BCAS3: variants seen among roughly 807,000 people sequenced by gnomAD.
BCAS3 encodes the protein BCAS3 microtubule associated cell migration factor, also known as BCAS4/BCAS3 fusion.
BCAS3 carries 53 observed loss-of-function variants against 116.1 expected under a neutral mutation model. The observed-to-expected ratio is 0.46, with a 90% CI of 0.37 to 0.57. BCAS3 has a LOEUF of 0.57. BCAS3 is among the 20% of genes least tolerant of loss of function. BCAS3 has a pLI of 0.00. For missense variants in BCAS3, 917 were observed against 1,165.4 expected, an observed-to-expected ratio of 0.79 and a Z score of 3.10; for synonymous variants, 391 against 408.2, an observed-to-expected ratio of 0.96 and a Z score of 0.51.
rs951788352 is a variant in BCAS3 at position 61,156,086 on chromosome 17, A to C, written c.2425+71522A>C. On this transcript the variant is annotated intron_variant, in intron 22 of 23. Coordinates refer to ENST00000407086, the MANE Select transcript of BCAS3 (RefSeq NM_017679.5). This position sits in a 1 kb window ranked among gnomAD's most constrained non-coding sequence, Gnocchi z 4.7. ...TTCAAAGGAAGAAAAGCATTTGCTGAGATTCACCTATCAGCAAATAATTTA... is the reference window on the plus strand; with the variant it reads ...TTCAAAGGAAGAAAAGCATTTGCTGCGATTCACCTATCAGCAAATAATTTA... Among the ~76,000 whole-genome samples, 7 of 152,132 alleles carry C rather than the reference A, an allele frequency of 4.6e-5. No individual in the cohort carries two copies. Among genetic ancestry groups the C allele is most frequent in the Admixed American group, 4.6e-4 (7 of 15,254 alleles).
chr17:61,087,322 T>A lies in BCAS3; in HGVS notation c.2425+2758T>A. 1 of 556,046 alleles carries A rather than the reference T, an allele frequency of 1.8e-6. No individual in the cohort carries two copies. The highest frequency in any genetic ancestry group is 2.3e-6 in the Non-Finnish European group (1 of 437,814). 34.4% of individuals were successfully genotyped at this position (556,046 alleles called of 1,614,324 possible). A position where few individuals can be genotyped will look rare whatever the true frequency, so the allele number is the denominator to read the frequency against. ...TATATGACTTCATGGATTATCTTCT[T>A]AATTATTCCTATGGCACATGTTACA... On this transcript the variant is annotated intron_variant, in intron 22 of 23. Coordinates refer to ENST00000407086, the MANE Select transcript of BCAS3 (RefSeq NM_017679.5). This position sits in a 1 kb window ranked among gnomAD's most constrained non-coding sequence, Gnocchi z 4.6.
chr17:61,344,223 GC>G lies in BCAS3; in HGVS notation c.2426-24102del, dbSNP rs1343507753. Among the ~76,000 whole-genome samples the G allele has an allele frequency of 6.6e-6, 1 of 151,824 alleles. No homozygotes were observed. The highest frequency in any genetic ancestry group is 2.4e-5 in the African/African-American group (1 of 41,310). ...TGCTTAGGAGAACCTGAGTTCACCT[GC>G]CAAAATCATCCTTTGACATTAAAAA... On this transcript the variant is annotated intron_variant, in intron 22 of 23. Transcript: ENST00000407086. The surrounding 1 kb of genome is among the most constrained non-coding windows in gnomAD (Gnocchi z 4.1).
chr17:61,016,693 T>C lies in BCAS3; in HGVS notation c.1637+792T>C, dbSNP rs545679773. On this transcript the variant is annotated intron_variant, in intron 16 of 23. Coordinates refer to ENST00000407086, the MANE Select transcript of BCAS3 (RefSeq NM_017679.5). Reference sequence around the variant, plus strand: ...TCCTGAAGTTTAATCTAATTTGAAATGAAACAACTTTTTTACATTTCTGTA... The same window carrying C: ...TCCTGAAGTTTAATCTAATTTGAAACGAAACAACTTTTTTACATTTCTGTA... Among the ~76,000 whole-genome samples the C allele has an allele frequency of 2.0e-5, 3 of 152,332 alleles. No homozygotes were observed. In the South Asian group the frequency reaches 6.2e-4, roughly 32 times the overall value.
chr17:60,953,415 G>GTT (rs199687529), intron 14 of BCAS3, among the ~76,000 whole-genome samples: 4 of 150,080 alleles, frequency 2.7e-5, no homozygotes, highest in African/African-American at 9.8e-5. Context: ...GGGGTTTTTT[G>GTT]TTTTTTTTTC....
At chr17:61,049,984 C>T (rs1031051933) in intron 19 of BCAS3, among the ~76,000 whole-genome samples, 18 of 152,072 alleles carry the variant, frequency 1.2e-4, no homozygotes, top group East Asian at 1.2e-3. Flanking sequence ...TCGTCTACCT[C>T]GGCCTCCCAA....
intron 6 of BCAS3, among the ~76,000 whole-genome samples, chr17:60,777,927 G>C (rs1185426272): frequency 6.6e-6 from 1 of 152,018 alleles, no homozygotes; most frequent in Non-Finnish European, 1.5e-5. Flanking sequence ...TTATCTCATA[G>C]TTTTCTTTAG....
intron 22 of BCAS3, among the ~76,000 whole-genome samples, chr17:61,250,505 G>A (rs9906297): frequency 1 from 151,832 of 152,348 alleles, 75,660 homozygotes; most frequent in Middle Eastern, 1. Context: ...GTATCAAGCC[G>A]TAATATCCAG....
chr17:60,974,383 G>A (rs1263494132), intron 14 of BCAS3, among the ~76,000 whole-genome samples: 1 of 152,116 alleles, frequency 6.6e-6, no homozygotes, highest in East Asian at 1.9e-4. Context: ...TTGATAAAAT[G>A]TTGAACATAG....
intron 22 of BCAS3, among the ~76,000 whole-genome samples, chr17:61,231,123 G>A (rs1015589090): frequency 2.0e-5 from 3 of 151,818 alleles, no homozygotes; most frequent in Admixed American, 6.6e-5. Flanking sequence ...AATAATAGCC[G>A]TTCTGACTGG....
rs1299342609 is a variant in BCAS3, at chr17:61,205,106, C to G, written c.2425+120542C>G. Reference sequence around the variant, plus strand: ...CTGCAATCAAAAGCTAACTTTTGGTCCACACTAAGTAAGAAGTATTATTTT... The same window carrying G: ...CTGCAATCAAAAGCTAACTTTTGGTGCACACTAAGTAAGAAGTATTATTTT... On this transcript the variant is annotated intron_variant, in intron 22 of 23. Coordinates refer to ENST00000407086, the MANE Select transcript of BCAS3 (RefSeq NM_017679.5). The surrounding 1 kb of genome is among the most constrained non-coding windows in gnomAD (Gnocchi z 5.2). Among the ~76,000 whole-genome samples, 3 of 151,916 alleles carry G rather than the reference C, an allele frequency of 2.0e-5. No individual in the cohort carries two copies. Among genetic ancestry groups the G allele is most frequent in the South Asian group, 4.1e-4 (2 of 4,820 alleles).
chr17:61,296,162 A>G (rs1326734400), intron 22 of BCAS3, among the ~76,000 whole-genome samples: 2 of 152,366 alleles, frequency 1.3e-5, no homozygotes, highest in Middle Eastern at 3.4e-3. Flanking sequence ...TATCATTACC[A>G]TAAGAGACAG....
At chr17:61,290,792 T>C (rs2144701516) in intron 22 of BCAS3, among the ~76,000 whole-genome samples, 1 of 152,302 alleles carries the variant, frequency 6.6e-6, no homozygotes, top group East Asian at 1.9e-4. Context: ...GTTTGCATTT[T>C]TTTTTTGAGT....
In BCAS3 at chr17:61,200,197, G is replaced by T. The variant is rs796604499; in HGVS notation, c.2425+115633G>T. 1.3e-5 allele frequency among the ~76,000 whole-genome samples: 2 copies of T among 152,188 alleles called. No individual in the cohort carries two copies. The highest frequency in any genetic ancestry group is 4.8e-5 in the African/African-American group (2 of 41,450). On this transcript the variant is annotated intron_variant, in intron 22 of 23. Coordinates refer to ENST00000407086, the MANE Select transcript of BCAS3 (RefSeq NM_017679.5). The surrounding 1 kb of genome is among the most constrained non-coding windows in gnomAD (Gnocchi z 5.1). ...ACTTAGAACTTACTGTTGACTTAGT[G>T]ATAAAGTTTTTATTCAGGTCCCAAA...
In BCAS3 at chr17:61,118,019, TATTG is replaced by T. The variant is rs1232703590; in HGVS notation, c.2425+33460_2425+33463del. ...TCTCTGTCATCTTGGTGTTGATATCTATTGATTGTCTTTTTTTCATTTGTTATGA... is the reference window on the plus strand; with the variant it reads ...TCTCTGTCATCTTGGTGTTGATATCTATTGTCTTTTTTTCATTTGTTATGA... On this transcript the variant is annotated intron_variant, in intron 22 of 23. Coordinates refer to ENST00000407086, the MANE Select transcript of BCAS3 (RefSeq NM_017679.5). This position sits in a 1 kb window ranked among gnomAD's most constrained non-coding sequence, Gnocchi z 5.0. 6.6e-6 allele frequency among the ~76,000 whole-genome samples: 1 copy of T among 152,226 alleles called. No homozygotes were observed. The highest frequency in any genetic ancestry group is 2.4e-5 in the African/African-American group (1 of 41,456).
In BCAS3 at chr17:61,045,906, TATATATTTATATATATAATATATATAA is replaced by T. The variant is rs1600733119; in HGVS notation, c.2029+5021_2029+5047del. 1.3e-4 allele frequency among the ~76,000 whole-genome samples: 4 copies of T among 31,308 alleles called. 1 individual carries two copies. In the East Asian group the frequency reaches 4.7e-3, roughly 36 times the overall value. 20.5% of individuals were successfully genotyped at this position (31,308 alleles called of 152,430 possible). On this transcript the variant is annotated intron_variant, in intron 19 of 23. Coordinates refer to ENST00000407086, the MANE Select transcript of BCAS3 (RefSeq NM_017679.5). ...ATATTATATATATAATATATATAAA[TATATATTTATATATATAATATATATAA>T]ATATATATATTATATATATAAATAT...
chr17:61,190,359 C>G (rs147178708), intron 22 of BCAS3, among the ~76,000 whole-genome samples: 240 of 151,800 alleles, frequency 1.6e-3, no homozygotes, highest in African/African-American at 5.4e-3. Flanking sequence ...AACCCCTTCT[C>G]TAGTGAAAAT....
At chr17:60,772,320 T>G (rs1211945835) in intron 6 of BCAS3, among the ~76,000 whole-genome samples, 8 of 152,064 alleles carry the variant, frequency 5.3e-5, no homozygotes, top group African/African-American at 1.7e-4. Flanking sequence ...TGATGAGCAT[T>G]TTTTCACGTG....
intron 6 of BCAS3, among the ~76,000 whole-genome samples, chr17:60,767,537 G>A (rs1467044059): frequency 6.6e-6 from 1 of 151,632 alleles, no homozygotes; most frequent in African/African-American, 2.4e-5. Context: ...ATTAGAAATG[G>A]GGTTTCACCA....
chr17:61,317,649 T>G (rs1400661526), intron 22 of BCAS3, among the ~76,000 whole-genome samples: 1 of 152,162 alleles, frequency 6.6e-6, no homozygotes, highest in Non-Finnish European at 1.5e-5. Flanking sequence ...AATAGCACCT[T>G]GAGAATTCAG....
Sources: allele counts gnomAD v4.1 joint callset (sites outside exome capture counted in the v4.1 genomes callset), GRCh38; gene constraint gnomAD v4.1.1; non-coding constraint Gnocchi (gnomAD v3.1); transcripts MANE v1.5; gene names NCBI Gene and HGNC (gene_info 2026-07-23, HGNC 2026-07-21).